The following TIMP3 variants were observed in gnomAD, a reference collection of about 807,000 sequenced individuals.
TIMP3 encodes metalloproteinase inhibitor 3.
In TIMP3, 11 loss-of-function variants were observed where a neutral mutation model predicts 30.0. The observed-to-expected ratio is 0.37, with a 90% CI of 0.23 to 0.61. TIMP3 has a LOEUF of 0.61. TIMP3 is among the 20% of genes least tolerant of loss of function. The pLI, the probability that TIMP3 is intolerant of heterozygous loss-of-function variation, is 0.70. For synonymous variants in TIMP3, 112 were observed against 111.3 expected (o/e 1.01, Z -0.04); for missense variants, 181 against 276.8 (o/e 0.65, Z 2.45).
At chr22:32,821,774 C>G (rs1032261315) in intron 1 of TIMP3, among the ~76,000 whole-genome samples, 6 of 152,220 alleles carry the variant, frequency 3.9e-5, no homozygotes, top group Admixed American at 3.9e-4. Context: ...ATGTCCCACT[C>G]AGTGGAGGGA....
At chr22:32,829,531 C>T (rs959589782) in intron 1 of TIMP3, among the ~76,000 whole-genome samples, 1 of 152,242 alleles carries the variant, frequency 6.6e-6, no homozygotes, top group Non-Finnish European at 1.5e-5. Context: ...GCATCCCCAC[C>T]GCAGCAGGGC....
chr22:32,814,652 A>T (rs16991243), intron 1 of TIMP3, among the ~76,000 whole-genome samples: 2,523 of 152,312 alleles, frequency 0.017, 42 homozygotes, highest in Middle Eastern at 0.044. Flanking sequence ...GGAGGCTGCT[A>T]AAATAGAATG....
intron 1 of TIMP3, 92 bp from the exon 2 acceptor site, chr22:32,849,360 C>A: frequency 9.3e-7 from 1 of 1,070,872 alleles, no homozygotes; most frequent in Non-Finnish European, 1.4e-6. Context: ...CAATTCCAGG[C>A]TCCACAGAGG....
At chr22:32,835,882 C>A (rs990573735) in intron 1 of TIMP3, among the ~76,000 whole-genome samples, 1 of 152,212 alleles carries the variant, frequency 6.6e-6, no homozygotes, top group Non-Finnish European at 1.5e-5. Flanking sequence ...TTAGACATTA[C>A]AAGAGTTATG....
intron 1 of TIMP3, among the ~76,000 whole-genome samples, chr22:32,816,589 C>T (rs573889283): frequency 9.2e-5 from 14 of 152,012 alleles, no homozygotes; most frequent in Non-Finnish European, 1.6e-4. Flanking sequence ...CTTGCTTTTT[C>T]CTTATTTCTG....
chr22:32,816,374 A>C (rs1405385336), intron 1 of TIMP3, among the ~76,000 whole-genome samples: 1 of 152,198 alleles, frequency 6.6e-6, no homozygotes, highest in Non-Finnish European at 1.5e-5. Flanking sequence ...CAAATACTGA[A>C]AATGGGTCAT....
intron 1 of TIMP3, among the ~76,000 whole-genome samples, chr22:32,822,045 C>T (rs1450696150): frequency 6.6e-6 from 1 of 151,660 alleles, no homozygotes; most frequent in East Asian, 1.9e-4. Flanking sequence ...ATCCCAGCTA[C>T]TCGGGAGGCT....
intron 1 of TIMP3, among the ~76,000 whole-genome samples, chr22:32,838,842 A>C (rs750826362): frequency 6.6e-6 from 1 of 151,774 alleles, no homozygotes. Context: ...CCTGGCCACA[A>C]TCTAGGCTCT....
intron 1 of TIMP3, among the ~76,000 whole-genome samples, chr22:32,847,420 C>T (rs978003318): frequency 3.3e-5 from 5 of 152,182 alleles, no homozygotes; most frequent in African/African-American, 1.2e-4. Context: ...GAGCTGCCTC[C>T]GCTAAATTGC....
chr22:32,849,775 G>A (rs2048167970), intron 2 of TIMP3, among the ~76,000 whole-genome samples: 1 of 152,148 alleles, frequency 6.6e-6, no homozygotes, highest in Non-Finnish European at 1.5e-5. Context: ...GCACTTGTTA[G>A]GAAGCTGAGC....
At chr22:32,853,200 C>G (rs911751344) in intron 2 of TIMP3, among the ~76,000 whole-genome samples, 1 of 152,220 alleles carries the variant, frequency 6.6e-6, no homozygotes, top group Non-Finnish European at 1.5e-5. Context: ...GCCCGTGGTT[C>G]TTCCTGCCTT....
intron 1 of TIMP3, among the ~76,000 whole-genome samples, chr22:32,830,118 C>T (rs571200441): frequency 2.2e-4 from 34 of 152,322 alleles, no homozygotes; most frequent in South Asian, 1.0e-3. Flanking sequence ...TGAGCTTGCA[C>T]GGCCCATATG....
At chr22:32,839,712 G>T (rs528697142) in intron 1 of TIMP3, among the ~76,000 whole-genome samples, 1 of 152,224 alleles carries the variant, frequency 6.6e-6, no homozygotes, top group African/African-American at 2.4e-5. Context: ...TAGAAGGAGC[G>T]ACTCTTAAAT....
intron 1 of TIMP3, among the ~76,000 whole-genome samples, chr22:32,802,597 G>A (rs12169569): frequency 0.03 from 4,587 of 151,918 alleles, 247 homozygotes; most frequent in African/African-American, 0.11. Flanking sequence ...CATCTCCTGC[G>A]CCTATGAAAT....
intron 1 of TIMP3, among the ~76,000 whole-genome samples, chr22:32,803,380 G>T (rs1396809480): frequency 6.6e-6 from 1 of 152,018 alleles, no homozygotes; most frequent in Non-Finnish European, 1.5e-5. Flanking sequence ...GGCCGGGAGG[G>T]GCACTGCTGG....
intron 1 of TIMP3, among the ~76,000 whole-genome samples, chr22:32,840,856 A>T (rs1055868429): frequency 6.6e-6 from 1 of 151,952 alleles, no homozygotes; most frequent in Non-Finnish European, 1.5e-5. Context: ...GCCTTACTTG[A>T]GTGTCATTGC....
intron 1 of TIMP3, among the ~76,000 whole-genome samples, chr22:32,847,752 T>C (rs1440632503): frequency 6.6e-6 from 1 of 152,204 alleles, no homozygotes; most frequent in African/African-American, 2.4e-5. Flanking sequence ...ATTTATTGAG[T>C]ATCTACTCCT....
At chr22:32,814,236 AGAAAGAAAGAAG>A (rs1184861494) in intron 1 of TIMP3, among the ~76,000 whole-genome samples, 13 of 145,680 alleles carry the variant, frequency 8.9e-5, no homozygotes, top group South Asian at 6.4e-4. Flanking sequence ...AGAAAAAAAA[AGAAAGAAAGAAG>A]GAAAGAAAGA....
chr22:32,855,972 C>T (rs1188243284), intron 2 of TIMP3, among the ~76,000 whole-genome samples: 1 of 152,080 alleles, frequency 6.6e-6, no homozygotes, highest in African/African-American at 2.4e-5. Context: ...ATAAACGAAC[C>T]CAATGCTTTC....
Sources: allele counts gnomAD v4.1 joint callset (sites outside exome capture counted in the v4.1 genomes callset), GRCh38; gene constraint gnomAD v4.1.1; transcripts MANE v1.5; gene names NCBI Gene and HGNC (gene_info 2026-07-23, HGNC 2026-07-21).